THSD7B: variants seen among roughly 807,000 people sequenced by gnomAD.
THSD7B encodes thrombospondin type-1 domain-containing protein 7B.
In THSD7B, 138 loss-of-function variants were observed where a neutral mutation model predicts 213.6. The observed-to-expected ratio is 0.65, with a 90% CI of 0.56 to 0.74. The LOEUF (loss-of-function observed/expected upper bound fraction) is 0.74, where lower values mean the gene tolerates loss of function less well. Ranked by LOEUF, THSD7B falls within the 30% of genes least tolerant of loss-of-function variation. The pLI is 0.00. For missense variants in THSD7B, 1,931 were observed against 1,991.5 expected, an observed-to-expected ratio of 0.97 and a Z score of 0.58; for synonymous variants, 742 against 687.0, an observed-to-expected ratio of 1.08 and a Z score of -1.25.
chr2:137,150,049 C>T (rs1679784878), intron 5 of THSD7B, among the ~76,000 whole-genome samples: 2 of 152,056 alleles, frequency 1.3e-5, no homozygotes, highest in Admixed American at 1.3e-4. Context: ...CGAGACCAGC[C>T]TGACCAACAT....
At chr2:137,398,402 G>A (rs1686252925) in intron 12 of THSD7B, among the ~76,000 whole-genome samples, 1 of 149,398 alleles carries the variant, frequency 6.7e-6, no homozygotes, top group East Asian at 2.0e-4. Flanking sequence ...CTCAGCTGCA[G>A]GTCTGTTGGA....
rs779259900 is a variant in THSD7B, at chr2:137,620,713, C to T, written c.3786C>T (p.Thr1262=). Reference sequence around the variant, plus strand: ...CGGCTTGGACAGAGTGTTCACAGACCTGTGGCCATGGAGGTATTGGTTTCC... The same window carrying T: ...CGGCTTGGACAGAGTGTTCACAGACTTGTGGCCATGGAGGTATTGGTTTCC... The part of the protein sequence containing the change: ...GWTAWTECSQ[T]CGHGGRMSRT... Residue 1262 remains threonine, a synonymous_variant, in exon 20 of 28, where the codon ACC becomes ACT. Transcript: ENST00000409968. The T allele has an allele frequency of 3.1e-6, 5 of 1,613,434 alleles. No individual in the cohort carries two copies. In the African/African-American group the frequency reaches 4.0e-5, roughly 13 times the overall value.
chr2:137,324,820 G>A (rs950949633), intron 12 of THSD7B, among the ~76,000 whole-genome samples: 3 of 152,216 alleles, frequency 2.0e-5, no homozygotes, highest in African/African-American at 7.2e-5. Context: ...TTAAAATTAG[G>A]AAGGAGGACA....
intron 2 of THSD7B, among the ~76,000 whole-genome samples, chr2:136,954,897 AT>A (rs892409107): frequency 6.6e-6 from 1 of 151,286 alleles, no homozygotes; most frequent in African/African-American, 2.4e-5. Flanking sequence ...ATTTGTTTCT[AT>A]TTTTTTTACT....
At chr2:136,892,630 T>C (rs1283119368) in intron 2 of THSD7B, among the ~76,000 whole-genome samples, 2 of 151,968 alleles carry the variant, frequency 1.3e-5, no homozygotes, top group African/African-American at 4.8e-5. Context: ...TGTCTACTCT[T>C]CTCAAGAATG....
intron 27 of THSD7B, among the ~76,000 whole-genome samples, chr2:137,672,260 A>G (rs891054347): frequency 1.3e-5 from 2 of 152,182 alleles, no homozygotes; most frequent in African/African-American, 4.8e-5. Context: ...TGCCATCCCT[A>G]TTTTAAAGAG....
At chr2:137,000,410 A>AT (rs1685980385) in intron 2 of THSD7B, among the ~76,000 whole-genome samples, 1 of 152,158 alleles carries the variant, frequency 6.6e-6, no homozygotes. Context: ...TAAAGGTGAC[A>AT]TATTTTAATA....
chr2:137,290,138 G>A (rs1357026637), intron 12 of THSD7B, among the ~76,000 whole-genome samples: 1 of 143,000 alleles, frequency 7.0e-6, no homozygotes, highest in Non-Finnish European at 1.5e-5. Flanking sequence ...TTTAGATGGA[G>A]TCTCACTCTG....
At chr2:137,165,733 T>C (rs1272116085) in intron 6 of THSD7B, among the ~76,000 whole-genome samples, 4 of 150,000 alleles carry the variant, frequency 2.7e-5, no homozygotes, top group African/African-American at 7.4e-5. Flanking sequence ...ATATTTATAC[T>C]TTCCTAGATA....
intron 15 of THSD7B, among the ~76,000 whole-genome samples, chr2:137,487,663 C>T (rs1688493151): frequency 6.6e-6 from 1 of 150,532 alleles, no homozygotes; most frequent in African/African-American, 2.4e-5. Context: ...TACAAACTAC[C>T]ATCAGAGAAT....
intron 1 of THSD7B, among the ~76,000 whole-genome samples, chr2:136,770,014 A>G (rs17656138): frequency 0.047 from 7,122 of 152,288 alleles, 258 homozygotes; most frequent in Non-Finnish European, 0.07. Flanking sequence ...CAATGCCTTG[A>G]CTTGGAAGAA....
Position 136,861,151 on chromosome 2 carries a change from G to A in THSD7B, c.-35-20993G>A, listed in dbSNP as rs981784775. On this transcript the variant is annotated intron_variant, in intron 1 of 27. Transcript: ENST00000409968. ...AGAAGGCTGGCAATTTGGGTAGCAT[G>A]AGTGAGATTTGCTGAATAAGTGAGA... 7.2e-5 allele frequency among the ~76,000 whole-genome samples: 11 copies of A among 152,340 alleles called. No individual in the cohort carries two copies. The South Asian group carries it at 2.3e-3, about 32-fold the overall frequency.
intron 7 of THSD7B, among the ~76,000 whole-genome samples, chr2:137,217,476 G>A (rs1466328935): frequency 1.3e-5 from 2 of 152,092 alleles, no homozygotes; most frequent in Non-Finnish European, 2.9e-5. Flanking sequence ...TACATATTTA[G>A]GTGAAGTAGC....
chr2:137,398,821 G>A (rs1389269892), intron 12 of THSD7B, among the ~76,000 whole-genome samples: 11 of 152,308 alleles, frequency 7.2e-5, no homozygotes, highest in East Asian at 1.9e-4. Context: ...GCGAGATTCC[G>A]TGGGCGTAGG....
intron 14 of THSD7B, among the ~76,000 whole-genome samples, 185 bp from the exon 15 acceptor site, chr2:137,450,660 A>G (rs1409392047): frequency 6.6e-6 from 1 of 152,222 alleles, no homozygotes; most frequent in East Asian, 1.9e-4. Context: ...ACAGAGTGGC[A>G]CAAATTTGAA....
chr2:136,836,716 G>GTTTATAT (rs1682849052), intron 1 of THSD7B, among the ~76,000 whole-genome samples: 1 of 152,080 alleles, frequency 6.6e-6, no homozygotes, highest in Non-Finnish European at 1.5e-5. Context: ...TGCTAAAGAT[G>GTTTATAT]TTTATATTTT....
Position 137,242,410 on chromosome 2 carries a change from G to A in THSD7B, c.2151-47G>A, listed in dbSNP as rs1300123318. On this transcript the variant is annotated intron_variant, in intron 9 of 27. Coordinates refer to ENST00000409968, the MANE Select transcript of THSD7B (RefSeq NM_001316349.2). The stretch of plus-strand genomic sequence containing the variant: ...AAATCCTATAGTTCTGCGTTCAACG[G>A]CTTAGTCTCTCAAAAAGGCATTGAC... The A allele has an allele frequency of 5.5e-6, 8 of 1,451,898 alleles. No individual in the cohort carries two copies. In the African/African-American group the frequency reaches 8.4e-5, roughly 15 times the overall value. 89.9% of individuals were successfully genotyped at this position (1,451,898 alleles called of 1,614,324 possible).
rs551614945 is a variant in THSD7B, at chr2:136,779,031, T to C, written c.-36+13344T>C. 8.2e-4 allele frequency among the ~76,000 whole-genome samples: 125 copies of C among 152,342 alleles called. 2 individuals carry two copies. The highest frequency in any genetic ancestry group is 3.3e-3 in the South Asian group (16 of 4,834). ...TCAAGCAAAACTATGGTTAATGATATACTTGTGTTTATCAGAGCTGGCATT... is the reference window on the plus strand; with the variant it reads ...TCAAGCAAAACTATGGTTAATGATACACTTGTGTTTATCAGAGCTGGCATT... On this transcript the variant is annotated intron_variant, in intron 1 of 27. Coordinates refer to ENST00000409968, the MANE Select transcript of THSD7B (RefSeq NM_001316349.2).
At chr2:136,918,291 A>G (rs989869550) in intron 2 of THSD7B, among the ~76,000 whole-genome samples, 3 of 152,150 alleles carry the variant, frequency 2.0e-5, no homozygotes, top group Non-Finnish European at 4.4e-5. Flanking sequence ...CCCATCACAT[A>G]ATCCTATTTT....
Sources: allele counts gnomAD v4.1 joint callset (sites outside exome capture counted in the v4.1 genomes callset), GRCh38; gene constraint gnomAD v4.1.1; transcripts MANE v1.5; gene names NCBI Gene and HGNC (gene_info 2026-07-23, HGNC 2026-07-21).